The following PPP2R5E variants were observed in gnomAD, a reference collection of about 807,000 sequenced individuals.
PPP2R5E encodes the protein protein phosphatase 2 regulatory subunit B'epsilon.
Under a neutral mutation model 65.3 loss-of-function variants are expected in PPP2R5E, and 4 were observed. The observed-to-expected ratio is 0.06, with a 90% CI of 0.03 to 0.14. The LOEUF is 0.14. Among genes scored for constraint, PPP2R5E ranks in the 10% least tolerant of loss-of-function variants. The pLI is 1.00. For missense variants in PPP2R5E, 274 were observed against 556.1 expected, an observed-to-expected ratio of 0.49 and a Z score of 5.10; for synonymous variants, 183 against 187.4, an observed-to-expected ratio of 0.98 and a Z score of 0.19.
intron 2 of PPP2R5E, among the ~76,000 whole-genome samples, chr14:63,460,671 G>A (rs969418021): frequency 7.2e-5 from 11 of 152,096 alleles, no homozygotes; most frequent in Admixed American, 1.3e-4. Context: ...ATGAGACAAC[G>A]AACATGTATT....
intron 3 of PPP2R5E, among the ~76,000 whole-genome samples, chr14:63,443,881 T>C (rs1165124429): frequency 6.6e-6 from 1 of 152,184 alleles, no homozygotes; most frequent in Admixed American, 6.5e-5. Flanking sequence ...TAGGTGAATC[T>C]CAAATGTTCC....
At chr14:63,382,894 C>T (rs1373743070) in intron 12 of PPP2R5E, among the ~76,000 whole-genome samples, 1 of 151,734 alleles carries the variant, frequency 6.6e-6, no homozygotes, top group Non-Finnish European at 1.5e-5. Context: ...AAATCAGAAG[C>T]TACTTCCCTA....
chr14:63,426,428 T>C (rs954383493), intron 3 of PPP2R5E, among the ~76,000 whole-genome samples: 4 of 151,946 alleles, frequency 2.6e-5, no homozygotes, highest in African/African-American at 7.3e-5. Flanking sequence ...AAAAAAAGTT[T>C]ATAAATAAAG....
In PPP2R5E at chr14:63,418,002, T is replaced by G. The variant is rs139652044; in HGVS notation, c.457-2770A>C. On this transcript the variant is annotated intron_variant, in intron 4 of 13. Transcript: ENST00000337537. ...GTCAGACTCTAATTTAAGACTTAAA[T>G]TAGGGATTCACGTTAGCATTTTACT... Among the ~76,000 whole-genome samples the G allele has an allele frequency of 1.6e-3, 245 of 152,306 alleles. 3 individuals carry two copies. The highest frequency in any genetic ancestry group is 5.1e-3 in the African/African-American group (210 of 41,570).
Position 63,374,244 on chromosome 14 carries a change from C to A in PPP2R5E, c.*1765G>T, listed in dbSNP as rs921148038. The A allele has an allele frequency of 3.3e-5, 5 of 151,274 alleles. No individual in the cohort carries two copies. The highest frequency in any genetic ancestry group is 1.2e-4 in the African/African-American group (5 of 40,768). The allele number at this position is 151,274 out of a possible 1,614,324, so 9.4% of individuals were successfully genotyped here. A position where few individuals can be genotyped will look rare whatever the true frequency, so the allele number is the denominator to read the frequency against. On this transcript the variant is annotated 3_prime_UTR_variant, in exon 14 of 14. Transcript: ENST00000337537. ...GGAGAAAGGTCAGCAGCTTCTCTTT[C>A]TTTTTCTTGAAAATAATAAAACTGC...
chr14:63,457,997 C>T (rs1889226000), intron 2 of PPP2R5E, among the ~76,000 whole-genome samples: 2 of 152,088 alleles, frequency 1.3e-5, no homozygotes, highest in Admixed American at 6.5e-5. Context: ...TTTATATCAC[C>T]GTCTTCCAGT....
Position 63,453,622 on chromosome 14 carries a change from A to G in PPP2R5E, c.354+67T>C, listed in dbSNP as rs547401569. 1.3e-5 allele frequency: 19 copies of G among 1,485,142 alleles called. No homozygotes were observed. The Admixed American group carries it at 1.4e-4, about 11-fold the overall frequency. The allele number at this position is 1,485,142 out of a possible 1,614,324, so 92.0% of individuals were successfully genotyped here. On this transcript the variant is annotated intron_variant, in intron 3 of 13. Transcript: ENST00000337537. ...GACCTCCAATGACCTCACTCTTGCA[A>G]TATATACACCTGTGAGTCACTATGG...
chr14:63,501,420 AG>A (rs1460785502), intron 2 of PPP2R5E, among the ~76,000 whole-genome samples: 2 of 149,412 alleles, frequency 1.3e-5, no homozygotes, highest in African/African-American at 5.0e-5. Flanking sequence ...AAAAAAAAAA[AG>A]AAAATGTTAA....
At chr14:63,430,711 G>A (rs1887627523) in intron 3 of PPP2R5E, among the ~76,000 whole-genome samples, 1 of 152,120 alleles carries the variant, frequency 6.6e-6, no homozygotes, top group Non-Finnish European at 1.5e-5. Flanking sequence ...TATCTTTTAA[G>A]CCGATACTTT....
chr14:63,428,963 C>G (rs968438118), intron 3 of PPP2R5E, among the ~76,000 whole-genome samples: 2 of 151,930 alleles, frequency 1.3e-5, no homozygotes, highest in Non-Finnish European at 2.9e-5. Flanking sequence ...TGGCTAGCAC[C>G]TAATAGCTAC....
chr14:63,524,876 C>A (rs1050143099), intron 2 of PPP2R5E, among the ~76,000 whole-genome samples: 2 of 152,194 alleles, frequency 1.3e-5, no homozygotes. Flanking sequence ...TCAGTCTCCT[C>A]GTAATTTTTA....
chr14:63,382,634 C>T lies in PPP2R5E; in HGVS notation c.1203-477G>A, dbSNP rs112673706. 8.5e-4 allele frequency among the ~76,000 whole-genome samples: 130 copies of T among 152,270 alleles called. 4 individuals carry two copies. Among genetic ancestry groups the T allele is most frequent in the African/African-American group, 2.9e-3 (122 of 41,548 alleles). Reference sequence around the variant, plus strand: ...CAGGCTGGTCTCGAACTCCCAACCTCAGGTGATCTGCCTGCCTCGGCCTCC... The same window carrying T: ...CAGGCTGGTCTCGAACTCCCAACCTTAGGTGATCTGCCTGCCTCGGCCTCC... On this transcript the variant is annotated intron_variant, in intron 12 of 13. Transcript: ENST00000337537.
chr14:63,427,855 T>A lies in PPP2R5E; in HGVS notation c.355-5761A>T, dbSNP rs143762827. ...AACTGTGGTGCAAAGAGCTTGCAAG[T>A]TTTTCAGGGTAACAAATTACCATGA... On this transcript the variant is annotated intron_variant, in intron 3 of 13. Transcript: ENST00000337537. Among the ~76,000 whole-genome samples the A allele has an allele frequency of 5.9e-3, 902 of 152,238 alleles. 14 individuals are homozygous for A. The highest frequency in any genetic ancestry group is 0.021 in the African/African-American group (852 of 41,546).
intron 2 of PPP2R5E, among the ~76,000 whole-genome samples, chr14:63,498,643 G>A (rs147063016): frequency 1.3e-3 from 198 of 151,820 alleles, no homozygotes; most frequent in Non-Finnish European, 1.7e-3. Context: ...CTGCAGCCGC[G>A]ACTTCCCCAA....
intron 2 of PPP2R5E, among the ~76,000 whole-genome samples, chr14:63,509,905 G>T (rs1374899205): frequency 6.6e-6 from 1 of 152,156 alleles, no homozygotes; most frequent in Non-Finnish European, 1.5e-5. Context: ...TTGGGAGCTT[G>T]CAGGAATTTC....
chr14:63,373,646 G>A lies in PPP2R5E; in HGVS notation c.*2363C>T, dbSNP rs1883815336. On this transcript the variant is annotated 3_prime_UTR_variant, in exon 14 of 14. Coordinates refer to ENST00000337537, the MANE Select transcript of PPP2R5E (RefSeq NM_006246.5). ...ATCAACATACAAAATTGACATCAAG[G>A]AGGAGAGCTGTAAGTGTTCACCTTT... 1.3e-5 allele frequency: 2 copies of A among 152,150 alleles called. No homozygotes were observed. Among genetic ancestry groups the A allele is most frequent in the South Asian group, 4.1e-4 (2 of 4,830 alleles). The allele number at this position is 152,150 out of a possible 1,614,324, so 9.4% of individuals were successfully genotyped here. A position where few individuals can be genotyped will look rare whatever the true frequency, so the allele number is the denominator to read the frequency against.
At position 63,492,081 on chromosome 14, in the gene PPP2R5E, C is replaced by T. The variant is rs570147241; in HGVS notation, c.158-38196G>A. Among the ~76,000 whole-genome samples, 41 of 152,124 alleles carry T rather than the reference C, an allele frequency of 2.7e-4. 1 individual carries two copies. The highest frequency in any genetic ancestry group is 9.2e-4 in the African/African-American group (38 of 41,528). The stretch of plus-strand genomic sequence containing the variant: ...AGAGCCCAGAAACTTTCTGTGTTCA[C>T]AAAAGAAACCTAATAATTCTCTGTT... On this transcript the variant is annotated intron_variant, in intron 2 of 13. Coordinates refer to ENST00000337537, the MANE Select transcript of PPP2R5E (RefSeq NM_006246.5).
Position 63,447,829 on chromosome 14 carries a change from T to C in PPP2R5E, c.354+5860A>G, listed in dbSNP as rs137997251. Among the ~76,000 whole-genome samples, 32 of 152,206 alleles carry C rather than the reference T, an allele frequency of 2.1e-4. 1 individual carries two copies. The East Asian group carries it at 5.2e-3, about 25-fold the overall frequency. ...TCATTGGAACACTTAAAGGCCATTA[T>C]AGGGTTATTAATTGGCCTAATTTCA... On this transcript the variant is annotated intron_variant, in intron 3 of 13. Transcript: ENST00000337537.
chr14:63,463,781 A>C (rs1889628763), intron 2 of PPP2R5E, among the ~76,000 whole-genome samples: 1 of 151,844 alleles, frequency 6.6e-6, no homozygotes, highest in Non-Finnish European at 1.5e-5. Context: ...TATTTTTAGT[A>C]GAGACGGGGT....
Sources: allele counts gnomAD v4.1 joint callset (sites outside exome capture counted in the v4.1 genomes callset), GRCh38; gene constraint gnomAD v4.1.1; transcripts MANE v1.5; gene names NCBI Gene and HGNC (gene_info 2026-07-23, HGNC 2026-07-21).